The following ATXN1 variants were observed in gnomAD, a reference collection of about 807,000 sequenced individuals.
ATXN1 encodes the protein ataxin 1.
Under a neutral mutation model 56.4 loss-of-function variants are expected in ATXN1, and 8 were observed. That is an observed-to-expected ratio of 0.14 (90% CI 0.08 to 0.26). ATXN1 has a LOEUF of 0.26. ATXN1 is among the 10% of genes least tolerant of loss of function. The pLI is 1.00. For synonymous variants in ATXN1, 514 were observed against 494.6 expected, an observed-to-expected ratio of 1.04 and a Z score of -0.52; for missense variants, 987 against 1,106.5, an observed-to-expected ratio of 0.89 and a Z score of 1.53.
In ATXN1 at chr6:16,665,621, G is replaced by A. The variant is rs545835061; in HGVS notation, c.-614-7720C>T. Among the ~76,000 whole-genome samples the A allele has an allele frequency of 3.3e-5, 5 of 152,306 alleles. No individual in the cohort carries two copies. In the South Asian group the frequency reaches 8.3e-4, roughly 25 times the overall value. On this transcript the variant is annotated intron_variant, in intron 2 of 7. Transcript: ENST00000436367. ...TAAACCCCACAGATCCCTACTGGAAGTAAAAGCACAGAACTCTAGGTTTCC... is the reference window on the plus strand; with the variant it reads ...TAAACCCCACAGATCCCTACTGGAAATAAAAGCACAGAACTCTAGGTTTCC...
intron 6 of ATXN1, among the ~76,000 whole-genome samples, chr6:16,433,828 T>G (rs1759335937): frequency 6.6e-6 from 1 of 152,250 alleles, no homozygotes; most frequent in Non-Finnish European, 1.5e-5. Flanking sequence ...CAGGAGTTCC[T>G]GCCGGAGCTC....
In ATXN1 at chr6:16,720,326, A is replaced by G. The variant is rs533515258; in HGVS notation, c.-615+32907T>C. On this transcript the variant is annotated intron_variant, in intron 2 of 7. Coordinates refer to ENST00000436367, the MANE Select transcript of ATXN1 (RefSeq NM_001128164.2). ...TCTATTTTGGGGGGTCTGCAAATAGAGTCTACTTATGCAATTTACTTGTGG... is the reference window on the plus strand; with the variant it reads ...TCTATTTTGGGGGGTCTGCAAATAGGGTCTACTTATGCAATTTACTTGTGG... Among the ~76,000 whole-genome samples the G allele has an allele frequency of 7.9e-5, 12 of 152,300 alleles. No homozygotes were observed. The South Asian group carries it at 2.5e-3, about 32-fold the overall frequency.
At chr6:16,499,788 G>C (rs1400030158) in intron 5 of ATXN1, among the ~76,000 whole-genome samples, 1 of 152,204 alleles carries the variant, frequency 6.6e-6, no homozygotes, top group Non-Finnish European at 1.5e-5. Context: ...AAAGAATACA[G>C]TGTAGGTTGT....
intron 6 of ATXN1, among the ~76,000 whole-genome samples, chr6:16,457,858 C>G (rs1256424316): frequency 6.6e-6 from 1 of 152,186 alleles, no homozygotes; most frequent in Non-Finnish European, 1.5e-5. Flanking sequence ...ACCACCAAAC[C>G]CCTCAGGCTA....
chr6:16,539,685 C>T (rs375685631), intron 4 of ATXN1, among the ~76,000 whole-genome samples: 27 of 152,176 alleles, frequency 1.8e-4, no homozygotes, highest in African/African-American at 6.5e-4. Context: ...CAGGGATCCA[C>T]CTCTGTGGCT....
In ATXN1 at chr6:16,300,441, T is replaced by TAA. The variant is rs1554135756; in HGVS notation, c.*5886_*5887dup. 2 of 152,518 alleles carry TAA rather than the reference T, an allele frequency of 1.3e-5. No individual in the cohort carries two copies. Among genetic ancestry groups the TAA allele is most frequent in the African/African-American group, 4.8e-5 (2 of 41,402 alleles). The allele number at this position is 152,518 out of a possible 1,614,324, so 9.4% of individuals were successfully genotyped here. ...AAGGGAGGGGACGAGATTCTGAATT[T>TAA]AAGAATTGTAAGTGGGGGTGCTTAA... is the stretch of plus-strand genomic sequence containing the variant. On this transcript the variant is annotated 3_prime_UTR_variant, in exon 8 of 8. Coordinates refer to ENST00000436367, the MANE Select transcript of ATXN1 (RefSeq NM_001128164.2).
chr6:16,495,272 C>T (rs1156907191), intron 5 of ATXN1, among the ~76,000 whole-genome samples: 1 of 152,214 alleles, frequency 6.6e-6, no homozygotes, highest in East Asian at 1.9e-4. Context: ...ATTTTCCTCT[C>T]ATTCTCTTTT....
At chr6:16,621,941 A>C (rs1186997819) in intron 3 of ATXN1, among the ~76,000 whole-genome samples, 1 of 152,218 alleles carries the variant, frequency 6.6e-6, no homozygotes, top group Admixed American at 6.5e-5. Context: ...AGTTTAATCT[A>C]TCTGAGTGCC....
chr6:16,344,878 T>C (rs1008292225), intron 6 of ATXN1, among the ~76,000 whole-genome samples: 1 of 152,226 alleles, frequency 6.6e-6, no homozygotes, highest in African/African-American at 2.4e-5. Flanking sequence ...GCTACTTCCT[T>C]AGGCAATCAT....
intron 6 of ATXN1, among the ~76,000 whole-genome samples, chr6:16,417,169 C>T (rs909270533): frequency 6.6e-6 from 1 of 152,140 alleles, no homozygotes; most frequent in African/African-American, 2.4e-5. Context: ...GTACCTGGGA[C>T]TACAGGTATG....
chr6:16,405,135 T>C (rs746278258), intron 6 of ATXN1, among the ~76,000 whole-genome samples: 1 of 152,206 alleles, frequency 6.6e-6, no homozygotes. Context: ...ATTAAGTGGA[T>C]TTACATCAGT....
chr6:16,713,546 A>G (rs59844886), intron 2 of ATXN1, among the ~76,000 whole-genome samples: 6,752 of 152,270 alleles, frequency 0.044, 507 homozygotes, highest in African/African-American at 0.15. Flanking sequence ...CCAGACAGGG[A>G]AAGAATCTGA....
intron 6 of ATXN1, among the ~76,000 whole-genome samples, chr6:16,475,689 T>G (rs1359649227): frequency 1.3e-5 from 2 of 152,098 alleles, no homozygotes; most frequent in African/African-American, 4.8e-5. Context: ...CTGATGCTGT[T>G]AAGTGGCAGT....
intron 4 of ATXN1, among the ~76,000 whole-genome samples, chr6:16,569,283 C>T (rs1324332199): frequency 6.6e-6 from 1 of 152,030 alleles, no homozygotes; most frequent in African/African-American, 2.4e-5. Context: ...CTTTGGGAGG[C>T]CAAGGTGGGC....
intron 2 of ATXN1, among the ~76,000 whole-genome samples, chr6:16,698,476 G>A (rs1047876832): frequency 6.6e-5 from 10 of 152,040 alleles, no homozygotes; most frequent in African/African-American, 2.2e-4. Context: ...CAACAGCTAC[G>A]GCACACATGC....
At position 16,559,560 on chromosome 6, in the gene ATXN1, T is replaced by TA. The variant is rs1366625388; in HGVS notation, c.-361+26219dup. Among the ~76,000 whole-genome samples, 3 of 152,286 alleles carry TA rather than the reference T, an allele frequency of 2.0e-5. No homozygotes were observed. In the East Asian group the frequency reaches 5.8e-4, roughly 29 times the overall value. Reference sequence around the variant, plus strand: ...AGTGTATGGGGTGTAAACATTGTTTTAAAAAACCTATATTTTTGCTTATAT... The same window carrying TA: ...AGTGTATGGGGTGTAAACATTGTTTTAAAAAAACCTATATTTTTGCTTATAT... On this transcript the variant is annotated intron_variant, in intron 4 of 7. Coordinates refer to ENST00000436367, the MANE Select transcript of ATXN1 (RefSeq NM_001128164.2).
intron 1 of ATXN1, among the ~76,000 whole-genome samples, chr6:16,756,601 C>T (rs1268270060): frequency 2.6e-5 from 4 of 152,170 alleles, no homozygotes; most frequent in African/African-American, 9.7e-5. Flanking sequence ...CTCACAGAAA[C>T]TAATCATTCG....
In ATXN1 at chr6:16,327,307, C is replaced by T. The variant is rs554480203; in HGVS notation, c.1004G>A (p.Gly335Glu). 86 of 1,613,190 alleles carry T rather than the reference C, an allele frequency of 5.3e-5. No individual in the cohort carries two copies. In the Middle Eastern group the frequency reaches 1.3e-3, roughly 25 times the overall value. Reference protein sequence around the residue: ...NGEMEKSRRYGAPSSADLGLG... With the variant: ...NGEMEKSRRYEAPSSADLGLG... ...GCCCAGGTCGGCTGAGGACGGGGCC[C>T]CGTACCGCCGGCTCTTCTCCATCTC... Residue 335 changes from glycine (G) to glutamate (E), a missense_variant, in exon 7 of 8, where the codon GGG becomes GAG. Coordinates refer to ENST00000436367, the MANE Select transcript of ATXN1 (RefSeq NM_001128164.2).
At chr6:16,345,797 C>T (rs546711557) in intron 6 of ATXN1, among the ~76,000 whole-genome samples, 18 of 152,280 alleles carry the variant, frequency 1.2e-4, no homozygotes, top group Admixed American at 9.2e-4. Flanking sequence ...TGAGTAATTA[C>T]AGCAGCCTCT....
Sources: gnomAD v4.1 joint callset for allele counts (sites outside exome capture counted in the v4.1 genomes callset) on GRCh38, gnomAD v4.1.1 for gene constraint, MANE v1.5 for transcripts, NCBI Gene and HGNC (gene_info 2026-07-23, HGNC 2026-07-21) for gene names.